The following PTPRE variants were observed in gnomAD, a reference collection of about 807,000 sequenced individuals.
PTPRE encodes the protein receptor-type tyrosine-protein phosphatase epsilon.
PTPRE carries 51 observed loss-of-function variants against 102.0 expected under a neutral mutation model. The ratio of observed to expected loss-of-function variants is 0.50; its 90% CI spans 0.40 to 0.63. The LOEUF is 0.63. Ranked by LOEUF, PTPRE falls within the 30% of genes least tolerant of loss-of-function variation. The pLI, the probability that PTPRE is intolerant of heterozygous loss-of-function variation, is 0.00. For synonymous variants in PTPRE, 345 were observed against 348.2 expected, an observed-to-expected ratio of 0.99 and a Z score of 0.10; for missense variants, 752 against 915.1, an observed-to-expected ratio of 0.82 and a Z score of 2.30.
intron 1 of PTPRE, among the ~76,000 whole-genome samples, chr10:127,918,573 AAG>A (rs1174900211): frequency 2.0e-5 from 3 of 152,032 alleles, no homozygotes; most frequent in Middle Eastern, 3.4e-3. Flanking sequence ...AAAAAAAAAA[AAG>A]AGAGAAAATC....
intron 1 of PTPRE, among the ~76,000 whole-genome samples, chr10:127,965,952 C>T (rs115162688): frequency 0.018 from 2,766 of 152,342 alleles, 91 homozygotes; most frequent in African/African-American, 0.064. Context: ...GTCTGAGGTC[C>T]GCTGGGGGCC....
At chr10:128,042,307 T>TC (rs554210241) in intron 3 of PTPRE, among the ~76,000 whole-genome samples, 15 of 152,316 alleles carry the variant, frequency 9.8e-5, no homozygotes, top group African/African-American at 3.6e-4. Flanking sequence ...CTGCAGACAG[T>TC]CCCTCGGGTG....
intron 2 of PTPRE, among the ~76,000 whole-genome samples, chr10:128,012,288 G>A (rs913468845): frequency 4.6e-5 from 7 of 152,190 alleles, no homozygotes; most frequent in African/African-American, 9.7e-5. Context: ...GGTGATTTTA[G>A]GGCAATAAAA....
chr10:127,956,307 G>A (rs894062536), intron 1 of PTPRE, among the ~76,000 whole-genome samples: 1 of 152,094 alleles, frequency 6.6e-6, no homozygotes, highest in African/African-American at 2.4e-5. Flanking sequence ...AGTCCAAGTG[G>A]ACTAGATGAG....
At chr10:127,957,848 A>G (rs546819985) in intron 1 of PTPRE, among the ~76,000 whole-genome samples, 1 of 152,334 alleles carries the variant, frequency 6.6e-6, no homozygotes, top group East Asian at 1.9e-4. Context: ...ATGTCTCTCC[A>G]TTTATTTAGT....
In PTPRE at chr10:127,922,776, C is replaced by T. The variant is rs11018405; in HGVS notation, c.-31+15467C>T. 8.3e-4 allele frequency among the ~76,000 whole-genome samples: 127 copies of T among 152,370 alleles called. No homozygotes were observed. In the East Asian group the frequency reaches 0.019, roughly 23 times the overall value. ...GTGGGTGGGCTGAGAGCCCCAGGCA[C>T]AGCGGCTTCTGTCGGGCCATTTCTG... On this transcript the variant is annotated intron_variant, in intron 1 of 20. Transcript: ENST00000254667.
chr10:127,959,316 TCATTCATTCATTTGTA>T (rs1193399896), intron 1 of PTPRE, among the ~76,000 whole-genome samples: 1 of 152,264 alleles, frequency 6.6e-6, no homozygotes, highest in Non-Finnish European at 1.5e-5. Flanking sequence ...ATGCATTCAC[TCATTCATTCATTTGTA>T]CATTCATTCA....
At chr10:127,952,269 A>G (rs1849083409) in intron 1 of PTPRE, among the ~76,000 whole-genome samples, 2 of 152,210 alleles carry the variant, frequency 1.3e-5, no homozygotes, top group Admixed American at 1.3e-4. Context: ...CAGCAAAACT[A>G]CAGAAGAAAC....
intron 8 of PTPRE, among the ~76,000 whole-genome samples, 184 bp from the exon 9 acceptor site, chr10:128,061,495 G>A (rs1849587580): frequency 1.3e-5 from 2 of 152,200 alleles, no homozygotes; most frequent in Admixed American, 1.3e-4. Flanking sequence ...CTAGAGAGGG[G>A]ACGTATGAAG....
intron 2 of PTPRE, among the ~76,000 whole-genome samples, chr10:128,010,688 T>C (rs1323357331): frequency 6.6e-6 from 1 of 151,950 alleles, no homozygotes; most frequent in Non-Finnish European, 1.5e-5. Context: ...GCCTCCCGGG[T>C]TCACACCATT....
At chr10:127,980,508 C>T (rs982952526) in intron 1 of PTPRE, among the ~76,000 whole-genome samples, 1 of 151,532 alleles carries the variant, frequency 6.6e-6, no homozygotes, top group African/African-American at 2.4e-5. Flanking sequence ...ATTCTTTTTC[C>T]TAACTTATTG....
At chr10:128,053,134 C>G (rs192652787) in intron 6 of PTPRE, among the ~76,000 whole-genome samples, 1 of 152,168 alleles carries the variant, frequency 6.6e-6, no homozygotes, top group African/African-American at 2.4e-5. Flanking sequence ...ACCTGTAATC[C>G]CAGCTACTCA....
intron 2 of PTPRE, among the ~76,000 whole-genome samples, chr10:128,010,613 C>G (rs553821334): frequency 5.7e-5 from 6 of 104,604 alleles, no homozygotes; most frequent in African/African-American, 2.5e-4. Context: ...GATGGAGTCT[C>G]GCTCTGTCGC....
chr10:128,011,859 T>A (rs911406949), intron 2 of PTPRE, among the ~76,000 whole-genome samples: 3 of 152,080 alleles, frequency 2.0e-5, no homozygotes, highest in African/African-American at 7.2e-5. Context: ...GCTGTCACTG[T>A]CCCCCTCCCA....
intron 15 of PTPRE, chr10:128,071,164 G>A (rs1235597580): frequency 6.1e-6 from 3 of 491,148 alleles, no homozygotes; most frequent in Non-Finnish European, 1.1e-5. Context: ...CGGGAGGGCA[G>A]CCGAGGCTGA....
intron 1 of PTPRE, among the ~76,000 whole-genome samples, chr10:127,947,345 C>G (rs865852299): frequency 2.0e-5 from 3 of 152,200 alleles, no homozygotes; most frequent in Admixed American, 2.0e-4. Flanking sequence ...CAAAACTCCT[C>G]TCCTAGGAAA....
chr10:127,937,665 C>T (rs1002478186), intron 1 of PTPRE, among the ~76,000 whole-genome samples: 3 of 150,546 alleles, frequency 2.0e-5, no homozygotes, highest in Admixed American at 2.0e-4. Flanking sequence ...TTGAGACCAG[C>T]CTGGCCAACA....
At position 128,028,492 on chromosome 10, in the gene PTPRE, A is replaced by T. The variant is rs1321416506; in HGVS notation, c.-7-12383A>T. On this transcript the variant is annotated intron_variant, in intron 2 of 20. Coordinates refer to ENST00000254667, the MANE Select transcript of PTPRE (RefSeq NM_006504.6). The surrounding 1 kb of genome is among the most constrained non-coding windows in gnomAD (Gnocchi z 4.5). ...CTGCATTTCTTAGGAAAAATGGGGC[A>T]AAGGTGAGATGGTACACAGCACACC... 6.6e-6 allele frequency among the ~76,000 whole-genome samples: 1 copy of T among 152,148 alleles called. No individual in the cohort carries two copies. Among genetic ancestry groups the T allele is most frequent in the Non-Finnish European group, 1.5e-5 (1 of 68,018 alleles).
At chr10:127,917,451 G>A (rs1269643875) in intron 1 of PTPRE, among the ~76,000 whole-genome samples, 1 of 152,132 alleles carries the variant, frequency 6.6e-6, no homozygotes, top group Non-Finnish European at 1.5e-5. Flanking sequence ...GGAAGCTGAG[G>A]TTGGAGGATT....
Sources: allele counts gnomAD v4.1 joint callset (sites outside exome capture counted in the v4.1 genomes callset), GRCh38; gene constraint gnomAD v4.1.1; non-coding constraint Gnocchi (gnomAD v3.1); transcripts MANE v1.5; gene names NCBI Gene and HGNC (gene_info 2026-07-23, HGNC 2026-07-21).